NCKAP5: variants seen among roughly 807,000 people sequenced by gnomAD.
NCKAP5 encodes the protein NCK associated protein 5, also known as nck-associated protein 5.
In NCKAP5, 92 loss-of-function variants were observed where a neutral mutation model predicts 167.0. The observed-to-expected ratio is 0.55, with a 90% CI of 0.47 to 0.66. The LOEUF (loss-of-function observed/expected upper bound fraction) is 0.66, where lower values mean the gene tolerates loss of function less well. Ranked by LOEUF, NCKAP5 falls within the 30% of genes least tolerant of loss-of-function variation. The pLI is 0.00. For synonymous variants in NCKAP5, 891 were observed against 877.4 expected (o/e 1.02, Z -0.27); for missense variants, 2,378 against 2,315.0 (o/e 1.03, Z -0.56).
At chr2:132,906,280 G>A (rs1436776777) in intron 8 of NCKAP5, among the ~76,000 whole-genome samples, 1 of 152,130 alleles carries the variant, frequency 6.6e-6, no homozygotes, top group African/African-American at 2.4e-5. Flanking sequence ...TTTGTCCACA[G>A]ACTACTTGAC....
intron 8 of NCKAP5, among the ~76,000 whole-genome samples, chr2:132,956,760 C>T (rs1389646501): frequency 6.6e-6 from 1 of 152,220 alleles, no homozygotes; most frequent in African/African-American, 2.4e-5. Flanking sequence ...GCTGACCATG[C>T]CTTGCCAGAG....
At chr2:132,702,562 G>C (rs777738091) in intron 19 of NCKAP5, among the ~76,000 whole-genome samples, 1 of 152,110 alleles carries the variant, frequency 6.6e-6, no homozygotes, top group Non-Finnish European at 1.5e-5. Context: ...ACTCCAGTTT[G>C]GACTTAGAAT....
At chr2:133,467,110 AG>A (rs1180304612) in intron 3 of NCKAP5, among the ~76,000 whole-genome samples, 1 of 151,894 alleles carries the variant, frequency 6.6e-6, no homozygotes, top group African/African-American at 2.4e-5. Flanking sequence ...GAATGCTTCC[AG>A]TTTTTGCCCA....
intron 3 of NCKAP5, among the ~76,000 whole-genome samples, chr2:133,398,378 C>A (rs2151013418): frequency 6.6e-6 from 1 of 152,202 alleles, no homozygotes; most frequent in Middle Eastern, 3.4e-3. Context: ...CACATGTATC[C>A]CTATTAAACA....
chr2:132,819,221 A>C (rs1686520594), intron 11 of NCKAP5, among the ~76,000 whole-genome samples: 2 of 152,198 alleles, frequency 1.3e-5, no homozygotes, highest in South Asian at 4.1e-4. Context: ...GTGAACAGGA[A>C]TGGGTGAATT....
chr2:133,038,740 T>C (rs1035713444), intron 6 of NCKAP5, among the ~76,000 whole-genome samples: 3 of 151,678 alleles, frequency 2.0e-5, no homozygotes, highest in African/African-American at 7.3e-5. Flanking sequence ...ACCATAAATA[T>C]TGATATATAT....
chr2:133,095,399 G>C (rs1471235497), intron 6 of NCKAP5, among the ~76,000 whole-genome samples: 1 of 152,130 alleles, frequency 6.6e-6, no homozygotes, highest in Non-Finnish European at 1.5e-5. Flanking sequence ...GGTCAGGCTC[G>C]TGACTGGTTT....
intron 4 of NCKAP5, among the ~76,000 whole-genome samples, chr2:133,239,049 C>T (rs2087556350): frequency 6.6e-6 from 1 of 152,172 alleles, no homozygotes; most frequent in Non-Finnish European, 1.5e-5. Flanking sequence ...TACTATTATA[C>T]AGTCCATCAT....
At chr2:133,659,095 A>G in the NCKAP5 span, among the ~76,000 whole-genome samples, 1 of 152,154 alleles carries the variant, frequency 6.6e-6, no homozygotes, top group South Asian at 2.1e-4. Context: ...GGTATTAAAA[A>G]TTAAATTCTA....
rs570891136 is a variant in NCKAP5 at position 132,671,998 on chromosome 2, C to A, written c.*1291G>T. 6.6e-6 allele frequency: 1 copy of A among 152,662 alleles called. No individual in the cohort carries two copies. Among genetic ancestry groups the A allele is most frequent in the Non-Finnish European group, 1.5e-5 (1 of 68,024 alleles). The allele number at this position is 152,662 out of a possible 1,614,324, so 9.5% of individuals were successfully genotyped here. A position where few individuals can be genotyped will look rare whatever the true frequency, so the allele number is the denominator to read the frequency against. On this transcript the variant is annotated 3_prime_UTR_variant, in exon 20 of 20. Coordinates refer to ENST00000409261, the MANE Select transcript of NCKAP5 (RefSeq NM_207363.3). ...AGCCATATAGATCCTAAAAATATTT[C>A]TATTGGGCCTAGTTTACAAGCTCCT...
intron 4 of NCKAP5, among the ~76,000 whole-genome samples, chr2:133,237,386 A>T (rs2087472922): frequency 6.6e-6 from 1 of 152,242 alleles, no homozygotes; most frequent in African/African-American, 2.4e-5. Flanking sequence ...AAAGGATAGC[A>T]AAAGAATAAG....
At chr2:133,639,734 G>T in the NCKAP5 span, among the ~76,000 whole-genome samples, 1 of 152,042 alleles carries the variant, frequency 6.6e-6, no homozygotes, top group Admixed American at 6.6e-5. Flanking sequence ...TGTACCTCTG[G>T]AAAGGCTGTG....
intron 2 of NCKAP5, among the ~76,000 whole-genome samples, chr2:133,541,582 A>G (rs1224777613): frequency 6.6e-6 from 1 of 152,180 alleles, no homozygotes; most frequent in Non-Finnish European, 1.5e-5. Flanking sequence ...TGTGGACTGG[A>G]GGCAAAGAAA....
intron 19 of NCKAP5, among the ~76,000 whole-genome samples, chr2:132,713,151 CA>C (rs34379076): frequency 0.11 from 16,109 of 142,614 alleles, 1,074 homozygotes; most frequent in East Asian, 0.32. Flanking sequence ...GAAAGATGAA[CA>C]AAAAAAAAAA....
At chr2:132,955,772 A>G (rs901283099) in intron 8 of NCKAP5, among the ~76,000 whole-genome samples, 1 of 152,148 alleles carries the variant, frequency 6.6e-6, no homozygotes, top group African/African-American at 2.4e-5. Context: ...ACACTCCCAA[A>G]AACAGTGTAA....
At chr2:132,747,664 T>C (rs1421809339) in intron 16 of NCKAP5, among the ~76,000 whole-genome samples, 3 of 133,304 alleles carry the variant, frequency 2.3e-5, no homozygotes, top group Admixed American at 1.5e-4. Context: ...GTAGCTGATA[T>C]ATGCTCTGTG....
intron 11 of NCKAP5, among the ~76,000 whole-genome samples, chr2:132,836,598 G>A (rs774519073): frequency 3.9e-5 from 6 of 151,916 alleles, no homozygotes; most frequent in Non-Finnish European, 8.8e-5. Context: ...ATTTGGTTAC[G>A]TAAGTTCTTT....
chr2:133,051,535 C>T (rs773132534), intron 6 of NCKAP5, among the ~76,000 whole-genome samples: 17 of 152,118 alleles, frequency 1.1e-4, no homozygotes, highest in Admixed American at 3.3e-4. Flanking sequence ...CTGGGTACCA[C>T]GGAAGGCAGG....
chr2:133,565,298 T>C (rs926662426), intron 1 of NCKAP5, among the ~76,000 whole-genome samples: 1 of 152,168 alleles, frequency 6.6e-6, no homozygotes, highest in Non-Finnish European at 1.5e-5. Flanking sequence ...AAGTCTGGGG[T>C]GGGACGTGGG....
Sources: allele counts gnomAD v4.1 joint callset (sites outside exome capture counted in the v4.1 genomes callset), GRCh38; gene constraint gnomAD v4.1.1; transcripts MANE v1.5; gene names NCBI Gene and HGNC (gene_info 2026-07-23, HGNC 2026-07-21).